The following DOCK1 variants were observed in gnomAD, a reference collection of about 807,000 sequenced individuals.
DOCK1 encodes dedicator of cytokinesis 1.
DOCK1 carries 138 observed loss-of-function variants against 262.7 expected under a neutral mutation model. The ratio of observed to expected loss-of-function variants is 0.53; its 90% CI spans 0.46 to 0.61. The LOEUF (loss-of-function observed/expected upper bound fraction) is 0.61. Among genes scored for constraint, DOCK1 ranks in the 20% least tolerant of loss-of-function variants. The pLI, the probability that DOCK1 is intolerant of heterozygous loss-of-function variation, is 0.00. For missense variants in DOCK1, 1,908 were observed against 2,370.7 expected (o/e 0.80, Z 4.05); for synonymous variants, 866 against 867.4 (o/e 1.00, Z 0.03).
intron 5 of DOCK1, among the ~76,000 whole-genome samples, chr10:126,988,885 C>A (rs1391796311): frequency 1.3e-5 from 2 of 151,964 alleles, no homozygotes; most frequent in Non-Finnish European, 2.9e-5. Flanking sequence ...CCAGCCCGGC[C>A]AACATGGTGA....
chr10:126,965,479 G>C (rs1182215849), intron 1 of DOCK1, among the ~76,000 whole-genome samples: 1 of 152,096 alleles, frequency 6.6e-6, no homozygotes, highest in Non-Finnish European at 1.5e-5. Flanking sequence ...GGAGAGAAGG[G>C]AAGACAGTCT....
At chr10:127,370,987 A>C (rs1590747360) in intron 33 of DOCK1, among the ~76,000 whole-genome samples, 1 of 152,306 alleles carries the variant, frequency 6.6e-6, no homozygotes, top group Admixed American at 6.5e-5. Flanking sequence ...AACACAGTAA[A>C]CCCTTGCTAA....
At chr10:126,957,292 T>C (rs1249708411) in intron 1 of DOCK1, among the ~76,000 whole-genome samples, 1 of 152,164 alleles carries the variant, frequency 6.6e-6, no homozygotes, top group Non-Finnish European at 1.5e-5. Context: ...GGTTGCAGTA[T>C]GGACAGAGGT....
intron 27 of DOCK1, among the ~76,000 whole-genome samples, chr10:127,174,336 A>C (rs995226976): frequency 1.3e-5 from 2 of 152,166 alleles, no homozygotes; most frequent in Admixed American, 6.5e-5. Flanking sequence ...ATCCAGGCGA[A>C]GTCCGATAAC....
At chr10:127,385,014 T>C in intron 38 of DOCK1, 105 bp downstream of exon 38, 2 of 1,325,580 alleles carry the variant, frequency 1.5e-6, no homozygotes, top group Non-Finnish European at 2.0e-6. Flanking sequence ...ACCAGAAATT[T>C]GTTACAAGTT....
At chr10:127,361,564 T>C (rs2064451068) in intron 32 of DOCK1, among the ~76,000 whole-genome samples, 1 of 152,212 alleles carries the variant, frequency 6.6e-6, no homozygotes, top group Admixed American at 6.5e-5. Context: ...CACCCTGCAT[T>C]ATTTACAGAG....
chr10:127,309,468 C>T (rs1210016742), intron 29 of DOCK1, among the ~76,000 whole-genome samples: 2 of 151,958 alleles, frequency 1.3e-5, no homozygotes, highest in Non-Finnish European at 2.9e-5. Context: ...CAATTTTTTG[C>T]TTTTGTTGCA....
chr10:127,449,806 G>C (rs1236895593), intron 51 of DOCK1, among the ~76,000 whole-genome samples: 1 of 152,140 alleles, frequency 6.6e-6, no homozygotes, highest in Non-Finnish European at 1.5e-5. Context: ...AGGCAACTCT[G>C]TCTTTAGTTG....
At chr10:126,997,381 A>G (rs918027921) in intron 7 of DOCK1, among the ~76,000 whole-genome samples, 1 of 152,172 alleles carries the variant, frequency 6.6e-6, no homozygotes, top group Admixed American at 6.5e-5. Context: ...CAGACTGTAT[A>G]GGAAGGATAG....
intron 29 of DOCK1, among the ~76,000 whole-genome samples, chr10:127,315,096 G>A (rs755361627): frequency 5.3e-5 from 8 of 152,124 alleles, no homozygotes; most frequent in Non-Finnish European, 1.0e-4. Flanking sequence ...GGTGGGCTAA[G>A]CCAGCTCTTT....
chr10:126,962,163 C>CT (rs1297437880), intron 1 of DOCK1, among the ~76,000 whole-genome samples: 60,088 of 140,586 alleles, frequency 0.43, 13,021 homozygotes, highest in South Asian at 0.58. Context: ...ATGCCCGACT[C>CT]TTTTTTTTTT....
Position 127,176,082 on chromosome 10 carries a change from A to C in DOCK1, c.2847+48318A>C. 1 of 1,614,032 alleles carries C rather than the reference A, an allele frequency of 6.2e-7. No homozygotes were observed. The highest frequency in any genetic ancestry group is 8.5e-7 in the Non-Finnish European group (1 of 1,180,026). On this transcript the variant is annotated intron_variant, in intron 27 of 51. Transcript: ENST00000623213. The surrounding 1 kb of genome is among the most constrained non-coding windows in gnomAD (Gnocchi z 4.4). Reference sequence around the variant, plus strand: ...CTTCTTAAGGTCGGGCGAGGTCTGCACGCCTGTGCTCTTGGTGACGTTGGG... The same window carrying C: ...CTTCTTAAGGTCGGGCGAGGTCTGCCCGCCTGTGCTCTTGGTGACGTTGGG...
intron 1 of DOCK1, among the ~76,000 whole-genome samples, chr10:126,957,492 T>C (rs1019409981): frequency 2.6e-5 from 4 of 152,210 alleles, no homozygotes; most frequent in Non-Finnish European, 5.9e-5. Context: ...ATCTTCGTTT[T>C]TATTTTTTTC....
chr10:127,060,481 T>TA (rs1312028061), intron 22 of DOCK1, among the ~76,000 whole-genome samples: 1 of 152,214 alleles, frequency 6.6e-6, no homozygotes, highest in Non-Finnish European at 1.5e-5. Context: ...GGTAATTAAT[T>TA]ATCACTTAGT....
chr10:127,431,897 C>T (rs1208497541), intron 47 of DOCK1, among the ~76,000 whole-genome samples: 3 of 152,164 alleles, frequency 2.0e-5, no homozygotes, highest in Non-Finnish European at 4.4e-5. Context: ...CCGTTAGGAA[C>T]TGGGCCCACA....
intron 21 of DOCK1, among the ~76,000 whole-genome samples, chr10:127,047,774 T>C (rs2044446571): frequency 6.6e-6 from 1 of 152,236 alleles, no homozygotes; most frequent in African/African-American, 2.4e-5. Context: ...TTTTTGTATC[T>C]GGCTTCTTCC....
chr10:127,262,142 CTGTGTGTGTACCTGTATG>C (rs2060186467), intron 29 of DOCK1, among the ~76,000 whole-genome samples: 1 of 97,662 alleles, frequency 1.0e-5, no homozygotes, highest in Non-Finnish European at 2.0e-5. Context: ...CCGTGCTCGT[CTGTGTGTGTACCTGTATG>C]TGTGTGCATG....
At chr10:127,402,828 G>A (rs1419888141) in intron 38 of DOCK1, 10 of 643,390 alleles carry the variant, frequency 1.6e-5, no homozygotes, top group Non-Finnish European at 2.3e-5. Context: ...AGAGGCCTGC[G>A]TGATTGACAT....
chr10:127,440,902 C>CT (rs1359082105), intron 49 of DOCK1, among the ~76,000 whole-genome samples: 1 of 152,232 alleles, frequency 6.6e-6, no homozygotes, highest in East Asian at 1.9e-4. Context: ...ACAGCATGCT[C>CT]TGTCTGCTAT....
Sources: allele counts gnomAD v4.1 joint callset (sites outside exome capture counted in the v4.1 genomes callset), GRCh38; gene constraint gnomAD v4.1.1; non-coding constraint Gnocchi (gnomAD v3.1); transcripts MANE v1.5; gene names NCBI Gene and HGNC (gene_info 2026-07-23, HGNC 2026-07-21).